BMERB1: variants seen among roughly 807,000 people sequenced by gnomAD.
BMERB1 encodes the protein bMERB domain containing 1.
In BMERB1, 12 loss-of-function variants were observed where a neutral mutation model predicts 23.6. That is an observed-to-expected ratio of 0.51 (90% CI 0.33 to 0.82). BMERB1 has a LOEUF of 0.82. Among genes scored for constraint, BMERB1 ranks in the 40% least tolerant of loss-of-function variants. The pLI is 0.03. For synonymous variants in BMERB1, 122 were observed against 96.6 expected (o/e 1.26, Z -1.54); for missense variants, 247 against 255.4 (o/e 0.97, Z 0.22).
At chr16:15,546,468 C>T (rs1348985395) in intron 2 of BMERB1, among the ~76,000 whole-genome samples, 1 of 152,086 alleles carries the variant, frequency 6.6e-6, no homozygotes, top group Non-Finnish European at 1.5e-5. Flanking sequence ...GGTTGGGCTG[C>T]TTATTCTAGT....
intron 3 of BMERB1, among the ~76,000 whole-genome samples, chr16:15,569,485 G>A (rs998267100): frequency 6.6e-6 from 1 of 152,042 alleles, no homozygotes; most frequent in Non-Finnish European, 1.5e-5. Context: ...AAGGAGGATG[G>A]GGCTAAACCA....
chr16:15,437,067 G>T (rs768724356), intron 1 of BMERB1, among the ~76,000 whole-genome samples: 2 of 152,246 alleles, frequency 1.3e-5, no homozygotes, highest in Non-Finnish European at 1.5e-5. Context: ...ACCCCGGTCT[G>T]TTGGACCCCA....
intron 1 of BMERB1, among the ~76,000 whole-genome samples, chr16:15,480,727 C>T (rs972696840): frequency 1.3e-5 from 2 of 151,168 alleles, no homozygotes; most frequent in African/African-American, 4.9e-5. Flanking sequence ...GATTCTTCAG[C>T]CTCAGCCTCC....
intron 3 of BMERB1, among the ~76,000 whole-genome samples, chr16:15,569,615 A>T (rs889373512): frequency 6.6e-6 from 1 of 152,144 alleles, no homozygotes; most frequent in African/African-American, 2.4e-5. Flanking sequence ...ATCAGAATGG[A>T]TGCTGCTGAT....
intron 1 of BMERB1, among the ~76,000 whole-genome samples, chr16:15,456,951 G>A (rs904897684): frequency 2.0e-5 from 3 of 151,806 alleles, no homozygotes; most frequent in Admixed American, 1.3e-4. Context: ...TCAGCCTCCC[G>A]AGTACCTGGG....
intron 2 of BMERB1, among the ~76,000 whole-genome samples, chr16:15,566,662 T>TA (rs35053263): frequency 6.6e-6 from 1 of 151,172 alleles, no homozygotes; most frequent in African/African-American, 2.4e-5. Flanking sequence ...TGAGACTGTC[T>TA]AAAAAAAATA....
At chr16:15,550,832 C>G (rs1046076690) in intron 2 of BMERB1, among the ~76,000 whole-genome samples, 1 of 152,138 alleles carries the variant, frequency 6.6e-6, no homozygotes, top group Non-Finnish European at 1.5e-5. Flanking sequence ...TTTACTTAAC[C>G]TCTCTGAGAG....
chr16:15,467,170 G>T (rs1235332409), intron 1 of BMERB1, among the ~76,000 whole-genome samples: 2 of 152,096 alleles, frequency 1.3e-5, no homozygotes, highest in African/African-American at 2.4e-5. Context: ...GCAAATTTTT[G>T]TGTGAACATA....
At chr16:15,507,441 C>G (rs2051604846) in intron 1 of BMERB1, among the ~76,000 whole-genome samples, 1 of 152,134 alleles carries the variant, frequency 6.6e-6, no homozygotes, top group African/African-American at 2.4e-5. Flanking sequence ...GCCTCTTCCC[C>G]CAGAAGTGAC....
At chr16:15,576,947 C>G (rs73501206) in intron 3 of BMERB1, among the ~76,000 whole-genome samples, 14,929 of 152,160 alleles carry the variant, frequency 0.098, 2,235 homozygotes, top group African/African-American at 0.32. Flanking sequence ...CTGTGGCAGA[C>G]TGCACCAAAT....
chr16:15,561,815 C>T (rs901005709), intron 2 of BMERB1, among the ~76,000 whole-genome samples: 5 of 152,040 alleles, frequency 3.3e-5, no homozygotes, highest in East Asian at 1.9e-4. Flanking sequence ...ATCCTTTTAC[C>T]CCTGGCGTTC....
chr16:15,477,995 C>T (rs947998414), intron 1 of BMERB1, among the ~76,000 whole-genome samples: 1 of 152,142 alleles, frequency 6.6e-6, no homozygotes, highest in Non-Finnish European at 1.5e-5. Flanking sequence ...AGTCCTGTAG[C>T]TTGACTTTCA....
chr16:15,458,576 G>A (rs1279773800), intron 1 of BMERB1, among the ~76,000 whole-genome samples: 2 of 151,902 alleles, frequency 1.3e-5, no homozygotes, highest in Non-Finnish European at 2.9e-5. Context: ...AATTAGCTGA[G>A]TATGGTGGTG....
intron 1 of BMERB1, among the ~76,000 whole-genome samples, chr16:15,510,593 G>A (rs1023992555): frequency 6.6e-5 from 10 of 152,228 alleles, no homozygotes; most frequent in African/African-American, 2.4e-4. Context: ...ACTCCCCAAG[G>A]CCACACAGCC....
intron 3 of BMERB1, among the ~76,000 whole-genome samples, chr16:15,576,024 C>T (rs2030848117): frequency 6.6e-6 from 1 of 150,376 alleles, no homozygotes; most frequent in Admixed American, 6.6e-5. Context: ...CCTGATCCAT[C>T]TCAGCATTAG....
chr16:15,440,539 A>T (rs912336674), intron 1 of BMERB1, among the ~76,000 whole-genome samples: 2 of 152,110 alleles, frequency 1.3e-5, no homozygotes, highest in African/African-American at 4.8e-5. Flanking sequence ...GTTTGGTTAC[A>T]TATGCTCATT....
rs80041197 is a variant in BMERB1 at position 15,471,984 on chromosome 16, C to A, written c.106+37225C>A. Among the ~76,000 whole-genome samples the A allele has an allele frequency of 3.3e-5, 5 of 152,234 alleles. No individual in the cohort carries two copies. The East Asian group carries it at 7.7e-4, about 23-fold the overall frequency. On this transcript the variant is annotated intron_variant, in intron 1 of 5. Coordinates refer to ENST00000300006, the MANE Select transcript of BMERB1 (RefSeq NM_033201.3). ...ATTTTCATTTTCATTTGGTTCTATT[C>A]TTTAAGTTTTGTTTTAGAATTCTTC...
At position 15,538,698 on chromosome 16, in the gene BMERB1, T is replaced by G. The variant is rs75659438; in HGVS notation, c.230+23270T>G. ...TCGGAAAGCTTGCCCAGGGCATCAT[T>G]AACCGCCTGGAGGAGTGAGCCCTCT... On this transcript the variant is annotated intron_variant, in intron 2 of 5. Coordinates refer to ENST00000300006, the MANE Select transcript of BMERB1 (RefSeq NM_033201.3). Among the ~76,000 whole-genome samples the G allele has an allele frequency of 8.1e-3, 1,228 of 152,282 alleles. 23 individuals are homozygous for G. Among genetic ancestry groups the G allele is most frequent in the African/African-American group, 0.028 (1,169 of 41,558 alleles).
At chr16:15,522,864 A>G (rs2051870240) in intron 2 of BMERB1, among the ~76,000 whole-genome samples, 1 of 152,136 alleles carries the variant, frequency 6.6e-6, no homozygotes, top group Admixed American at 6.5e-5. Flanking sequence ...TGTGTGTGTT[A>G]CATGGTGCTC....
Sources: allele counts gnomAD v4.1 joint callset (sites outside exome capture counted in the v4.1 genomes callset), GRCh38; gene constraint gnomAD v4.1.1; transcripts MANE v1.5; gene names NCBI Gene and HGNC (gene_info 2026-07-23, HGNC 2026-07-21).